The following TPX2 variants were observed in gnomAD, a reference collection of about 807,000 sequenced individuals.
TPX2 encodes TPX2 microtubule nucleation factor.
In TPX2, 21 loss-of-function variants were observed where a neutral mutation model predicts 93.6. The ratio of observed to expected loss-of-function variants is 0.22; its 90% CI spans 0.16 to 0.32. The LOEUF is 0.32. Ranked by LOEUF, TPX2 falls within the 10% of genes least tolerant of loss-of-function variation. The pLI is 1.00. For missense variants in TPX2, 776 were observed against 871.1 expected (o/e 0.89, Z 1.37); for synonymous variants, 281 against 298.3 (o/e 0.94, Z 0.60).
chr20:31,756,472 T>C (rs1227913850), intron 2 of TPX2, among the ~76,000 whole-genome samples: 1 of 152,120 alleles, frequency 6.6e-6, no homozygotes, highest in Non-Finnish European at 1.5e-5. Context: ...GAGAATAAAT[T>C]GGGCTAGAGG....
In TPX2 at chr20:31,766,602, A is replaced by G. The variant is rs769470623; in HGVS notation, c.276A>G (p.Glu92=). The part of the protein sequence containing the change: ...YKEAEKENLV[E]QSIPSNACSS... ...AGGCAGAAAAAGAAAATCTTGTGGA[A>G]CAATCCATTCCGTCAAATGCTTGTT... Residue 92 remains glutamate, a synonymous_variant, in exon 5 of 18, where the codon GAA becomes GAG. Transcript: ENST00000300403. The G allele has an allele frequency of 1.4e-5, 23 of 1,613,700 alleles. No homozygotes were observed. The highest frequency in any genetic ancestry group is 1.9e-5 in the Non-Finnish European group (23 of 1,179,976).
intron 4 of TPX2, among the ~76,000 whole-genome samples, chr20:31,763,700 A>T (rs1161078924): frequency 6.9e-6 from 1 of 145,888 alleles, no homozygotes; most frequent in African/African-American, 2.6e-5. Flanking sequence ...TTTAATTTAA[A>T]TTTAATTTAA....
At chr20:31,757,317 A>C in intron 2 of TPX2, 90 bp from the exon 3 acceptor site, 1 of 617,504 alleles carries the variant, frequency 1.6e-6, no homozygotes. Context: ...AGTAAATTCT[A>C]GGTGGTTTGC....
intron 17 of TPX2, 76 bp downstream of exon 17, chr20:31,798,628 A>G (rs910487948): frequency 5.5e-6 from 8 of 1,459,480 alleles, no homozygotes; most frequent in Non-Finnish European, 7.3e-6. Context: ...CTTGTACCAG[A>G]CAGGATCTAA....
Position 31,766,539 on chromosome 20 carries a change from C to G in TPX2, c.230-17C>G. On this transcript the variant is annotated splice_polypyrimidine_tract_variant and intron_variant, in intron 4 of 17. Coordinates refer to ENST00000300403, the MANE Select transcript of TPX2 (RefSeq NM_012112.5). ...TCCTTGGCCTTTGAGTGCTGACTAG[C>G]TTTTGGTCTTCCGCAGTTGACAACA... 6.3e-7 allele frequency: 1 copy of G among 1,599,442 alleles called. No homozygotes were observed. Among genetic ancestry groups the G allele is most frequent in the Non-Finnish European group, 8.5e-7 (1 of 1,171,962 alleles).
intron 10 of TPX2, chr20:31,781,098 A>G (rs1360908274): frequency 5.5e-6 from 1 of 182,374 alleles, no homozygotes; most frequent in Non-Finnish European, 1.2e-5. Flanking sequence ...TAATTTTTAT[A>G]TTTTCTTAGG....
At chr20:31,744,050 G>T (rs1471192715) in intron 2 of TPX2, among the ~76,000 whole-genome samples, 3 of 150,736 alleles carry the variant, frequency 2.0e-5, no homozygotes, top group African/African-American at 4.9e-5. Context: ...AAATATTTTT[G>T]ATCTGCAGTT....
chr20:31,757,073 C>T (rs759770176), intron 2 of TPX2, among the ~76,000 whole-genome samples: 54 of 151,262 alleles, frequency 3.6e-4, no homozygotes, highest in Middle Eastern at 3.4e-3. Context: ...AACTGTTATA[C>T]TTAGAGATAA....
chr20:31,744,159 CTT>C (rs11465034), intron 2 of TPX2, among the ~76,000 whole-genome samples: 6 of 112,228 alleles, frequency 5.3e-5, no homozygotes, highest in Non-Finnish European at 5.3e-5. Flanking sequence ...ATTTTTTTAA[CTT>C]TTTTTTTTTT....
intron 2 of TPX2, among the ~76,000 whole-genome samples, chr20:31,748,350 A>C (rs1206654962): frequency 1.3e-5 from 2 of 152,168 alleles, no homozygotes; most frequent in African/African-American, 4.8e-5. Context: ...TTTACTCTAG[A>C]ATATCACTGA....
chr20:31,768,561 C>T (rs1031779411), intron 5 of TPX2, among the ~76,000 whole-genome samples: 1 of 152,018 alleles, frequency 6.6e-6, no homozygotes, highest in African/African-American at 2.4e-5. Flanking sequence ...ATTTCTTAAA[C>T]AGGACACACA....
chr20:31,799,616 A>G (rs1307957280), intron 17 of TPX2, among the ~76,000 whole-genome samples: 3 of 152,128 alleles, frequency 2.0e-5, no homozygotes, highest in Non-Finnish European at 2.9e-5. Flanking sequence ...AAAAAGAAAG[A>G]AGGCCAGGAA....
intron 8 of TPX2, 82 bp from the exon 9 acceptor site, chr20:31,777,405 G>A (rs993542100): frequency 1.3e-6 from 2 of 1,502,292 alleles, no homozygotes; most frequent in African/African-American, 2.8e-5. Context: ...GACAGAAATA[G>A]CAAAAGGACT....
chr20:31,786,231 G>A (rs1289953931), intron 12 of TPX2, among the ~76,000 whole-genome samples: 3 of 151,422 alleles, frequency 2.0e-5, no homozygotes, highest in African/African-American at 4.9e-5. Flanking sequence ...GCTAGCATAC[G>A]AATCTTAGGT....
rs1568616434 is a variant in TPX2, at chr20:31,801,708, C to T, written c.*628C>T. 1 of 152,272 alleles carries T rather than the reference C, an allele frequency of 6.6e-6. No homozygotes were observed. The highest frequency in any genetic ancestry group is 6.5e-5 in the Admixed American group (1 of 15,288). 9.4% of individuals were successfully genotyped at this position (152,272 alleles called of 1,614,324 possible). A position where few individuals can be genotyped will look rare whatever the true frequency, so the allele number is the denominator to read the frequency against. On this transcript the variant is annotated 3_prime_UTR_variant, in exon 18 of 18. Transcript: ENST00000300403. ...TCTGGGTGGGGCTGCCGTTAAGGCA[C>T]GTTCTTTCCTTACTGGTGCTGATAA...
chr20:31,798,563 G>A lies in TPX2; in HGVS notation c.2133+11G>A. ...CTACGGAGAGAACTGGTAACTGGGAGCATGAGCACTGACGAACACAAACAT... is the reference window on the plus strand; with the variant it reads ...CTACGGAGAGAACTGGTAACTGGGAACATGAGCACTGACGAACACAAACAT... On this transcript the variant is annotated intron_variant, in intron 17 of 17. Coordinates refer to ENST00000300403, the MANE Select transcript of TPX2 (RefSeq NM_012112.5). 6.3e-7 allele frequency: 1 copy of A among 1,594,172 alleles called. No individual in the cohort carries two copies. The highest frequency in any genetic ancestry group is 8.5e-7 in the Non-Finnish European group (1 of 1,173,096).
rs956860886 is a variant in TPX2, at chr20:31,800,840, C to T, written c.2134-130C>T. The T allele has an allele frequency of 5.2e-6, 4 of 771,114 alleles. No individual in the cohort carries two copies. The Admixed American group carries it at 8.3e-5, about 16-fold the overall frequency. The allele number at this position is 771,114 out of a possible 1,614,324, so 47.8% of individuals were successfully genotyped here. On this transcript the variant is annotated intron_variant, in intron 17 of 17. Transcript: ENST00000300403. ...CGTGTTGCCCCCCAGGCCCCACTCC[C>T]CACACCTGAAACTAGTGACTGGGAC...
chr20:31,784,570 A>C (rs1342959919), intron 12 of TPX2, among the ~76,000 whole-genome samples: 1 of 152,246 alleles, frequency 6.6e-6, no homozygotes, highest in Non-Finnish European at 1.5e-5. Flanking sequence ...GCAGAAATGC[A>C]AATGGACTGG....
intron 6 of TPX2, among the ~76,000 whole-genome samples, chr20:31,770,685 C>T (rs1380224489): frequency 4.6e-5 from 7 of 152,146 alleles, no homozygotes; most frequent in Non-Finnish European, 8.8e-5. Context: ...AGGGCACTCA[C>T]ATCTTAGTTG....
Sources: allele counts gnomAD v4.1 joint callset (sites outside exome capture counted in the v4.1 genomes callset), GRCh38; gene constraint gnomAD v4.1.1; transcripts MANE v1.5; gene names NCBI Gene and HGNC (gene_info 2026-07-23, HGNC 2026-07-21).